The following RPH3A variants were observed in gnomAD, a reference collection of about 807,000 sequenced individuals.
The protein encoded by RPH3A is rabphilin 3A, also known as rabphilin-3A.
RPH3A carries 48 observed loss-of-function variants against 102.2 expected under a neutral mutation model. The ratio of observed to expected loss-of-function variants is 0.47; its 90% confidence interval spans 0.37 to 0.60. The LOEUF is 0.60. Ranked by LOEUF, RPH3A falls within the 20% of genes least tolerant of loss-of-function variation. RPH3A has a pLI of 0.00. For missense variants in RPH3A, 781 were observed against 910.1 expected (o/e 0.86, Z 1.83); for synonymous variants, 310 against 324.3 (o/e 0.96, Z 0.47).
intron 1 of RPH3A, among the ~76,000 whole-genome samples, chr12:112,585,818 C>T (rs2039435240): frequency 6.6e-6 from 1 of 152,198 alleles, no homozygotes; most frequent in Non-Finnish European, 1.5e-5. Context: ...CAACACACCT[C>T]TAATCCTGAT....
intron 1 of RPH3A, among the ~76,000 whole-genome samples, chr12:112,684,648 T>C (rs924553651): frequency 6.6e-5 from 10 of 152,228 alleles, no homozygotes; most frequent in Admixed American, 6.5e-4. Flanking sequence ...TTAATTTAAA[T>C]ACAAATTTAT....
chr12:112,810,950 T>C (rs2041563118), intron 2 of RPH3A, among the ~76,000 whole-genome samples: 1 of 141,496 alleles, frequency 7.1e-6, no homozygotes, highest in Non-Finnish European at 1.6e-5. Flanking sequence ...TAATACATAT[T>C]TTTTGTGTGT....
chr12:112,841,627 C>G (rs946335807), intron 4 of RPH3A, among the ~76,000 whole-genome samples: 1 of 151,982 alleles, frequency 6.6e-6, no homozygotes, highest in Non-Finnish European at 1.5e-5. Flanking sequence ...AGATAGAATA[C>G]TTTCCCCAAA....
chr12:112,587,853 A>G (rs1485272905), intron 1 of RPH3A, among the ~76,000 whole-genome samples: 1 of 152,128 alleles, frequency 6.6e-6, no homozygotes, highest in Non-Finnish European at 1.5e-5. Flanking sequence ...AGGATAAGAC[A>G]ATGGATATAA....
intron 2 of RPH3A, among the ~76,000 whole-genome samples, chr12:112,826,326 A>G (rs2041872009): frequency 6.6e-6 from 1 of 152,158 alleles, no homozygotes. Context: ...GAAGGAAAAG[A>G]GAAGGAGGCT....
At chr12:112,811,424 G>T in intron 2 of RPH3A, among the ~76,000 whole-genome samples, 1 of 151,974 alleles carries the variant, frequency 6.6e-6, no homozygotes, top group East Asian at 1.9e-4. Flanking sequence ...CAGCCTTCCT[G>T]CTCCTAGGAA....
intron 1 of RPH3A, among the ~76,000 whole-genome samples, chr12:112,774,133 A>G (rs2040948181): frequency 6.6e-6 from 1 of 152,054 alleles, no homozygotes; most frequent in Non-Finnish European, 1.5e-5. Flanking sequence ...TGGACATAGC[A>G]TATCCTGACA....
chr12:112,897,628 A>G lies in RPH3A; in HGVS notation c.*848A>G, dbSNP rs1349537854. 6.6e-6 allele frequency: 1 copy of G among 152,248 alleles called. No homozygotes were observed. The highest frequency in any genetic ancestry group is 1.5e-5 in the Non-Finnish European group (1 of 68,118). 9.4% of individuals were successfully genotyped at this position (152,248 alleles called of 1,614,324 possible). ...AGTAACACCGCAAAAACAACAGCAA[A>G]AAAAGTGTATGTTAACCTAGCCTCA... On this transcript the variant is annotated 3_prime_UTR_variant, in exon 22 of 22. Coordinates refer to ENST00000389385, the MANE Select transcript of RPH3A (RefSeq NM_001143854.2).
At chr12:112,655,035 C>A (rs565630075) in intron 1 of RPH3A, among the ~76,000 whole-genome samples, 1 of 152,210 alleles carries the variant, frequency 6.6e-6, no homozygotes, top group Non-Finnish European at 1.5e-5. Flanking sequence ...TATTCCTCCT[C>A]CACTCCTCTG....
intron 1 of RPH3A, among the ~76,000 whole-genome samples, chr12:112,764,827 C>G (rs1187893929): frequency 6.6e-6 from 1 of 152,156 alleles, no homozygotes; most frequent in African/African-American, 2.4e-5. Flanking sequence ...TAGCTAATCT[C>G]TGGGTGACCT....
chr12:112,725,673 G>A (rs184050548), intron 1 of RPH3A, among the ~76,000 whole-genome samples: 20 of 152,174 alleles, frequency 1.3e-4, no homozygotes, highest in African/African-American at 4.8e-4. Context: ...TTGGTTCAGG[G>A]AGAGACCCGT....
chr12:112,578,787 G>C (rs966663342), intron 1 of RPH3A, among the ~76,000 whole-genome samples: 1 of 152,180 alleles, frequency 6.6e-6, no homozygotes, highest in Non-Finnish European at 1.5e-5. Context: ...GGCAGAGCCA[G>C]AAAATACAAG....
rs74794728 is a variant in RPH3A at position 112,686,569 on chromosome 12, G to A, written c.-139-105574G>A. 8.4e-3 allele frequency among the ~76,000 whole-genome samples: 1,284 copies of A among 152,236 alleles called. 21 individuals carry two copies. Among genetic ancestry groups the A allele is most frequent in the African/African-American group, 0.03 (1,226 of 41,516 alleles). ...GGGCTAGCCTGCTGGAGGATGAGAG[G>A]CACATGGCACAGTCTTCCCTGCCAG... On this transcript the variant is annotated intron_variant, in intron 1 of 21. Coordinates refer to the RPH3A transcript ENST00000543106.
intron 16 of RPH3A, 95 bp from the exon 17 acceptor site, chr12:112,887,702 A>T (rs2043026363): frequency 1.5e-6 from 2 of 1,311,418 alleles, no homozygotes; most frequent in Admixed American, 4.1e-5. Context: ...CATACATTAC[A>T]CATTCCTTAC....
At chr12:112,879,925 C>G (rs2042877998) in intron 14 of RPH3A, among the ~76,000 whole-genome samples, 1 of 152,154 alleles carries the variant, frequency 6.6e-6, no homozygotes, top group African/African-American at 2.4e-5. Flanking sequence ...TCTCAGTGTG[C>G]CTATTTGTAA....
intron 2 of RPH3A, among the ~76,000 whole-genome samples, chr12:112,800,313 A>T (rs1051984993): frequency 6.6e-6 from 1 of 152,268 alleles, no homozygotes; most frequent in Non-Finnish European, 1.5e-5. Context: ...GGGGGCAGTA[A>T]GTGCAAAAGC....
At chr12:112,678,232 C>CGAAAGAAAGAAAGAAA (rs757546615) in intron 1 of RPH3A, among the ~76,000 whole-genome samples, 6 of 74,726 alleles carry the variant, frequency 8.0e-5, no homozygotes, top group East Asian at 8.4e-4. Flanking sequence ...AAGACCCTGT[C>CGAAAGAAAGAAAGAAA]GAAAGAAAGA....
At chr12:112,672,763 C>A (rs1281335707) in intron 1 of RPH3A, among the ~76,000 whole-genome samples, 1 of 152,116 alleles carries the variant, frequency 6.6e-6, no homozygotes, top group African/African-American at 2.4e-5. Flanking sequence ...GACCAGCCCT[C>A]CTGTTGTGCC....
At chr12:112,580,394 CTTTTTTT>C (rs773931202) in intron 1 of RPH3A, among the ~76,000 whole-genome samples, 3,671 of 76,938 alleles carry the variant, frequency 0.048, 57 homozygotes, top group Non-Finnish European at 0.053. Flanking sequence ...TTTGTCTTGT[CTTTTTTT>C]TTTTTTTTTT....
Sources: gnomAD v4.1 joint callset for allele counts (sites outside exome capture counted in the v4.1 genomes callset) on GRCh38, gnomAD v4.1.1 for gene constraint, MANE v1.5 for transcripts, NCBI Gene and HGNC (gene_info 2026-07-23, HGNC 2026-07-21) for gene names.